The following TNXB variants were observed in gnomAD, a reference collection of about 807,000 sequenced individuals.
TNXB encodes tenascin-X.
TNXB carries 183 observed loss-of-function variants against 340.5 expected under a neutral mutation model. That is an observed-to-expected ratio of 0.54 (90% CI 0.48 to 0.61). TNXB has a LOEUF of 0.61. Ranked by LOEUF, TNXB falls within the 20% of genes least tolerant of loss-of-function variation. The pLI is 0.00. For synonymous variants in TNXB, 2,121 were observed against 2,314.5 expected, an observed-to-expected ratio of 0.92 and a Z score of 2.40; for missense variants, 4,613 against 5,446.4, an observed-to-expected ratio of 0.85 and a Z score of 4.82.
Position 32,048,403 on chromosome 6 carries a change from A to AT in TNXB, c.10004dup (p.Asn3335LysfsTer35), listed in dbSNP as rs779059111. 2.0e-5 allele frequency: 30 copies of AT among 1,535,214 alleles called. 1 individual carries two copies. The highest frequency in any genetic ancestry group is 5.3e-6 in the Non-Finnish European group (6 of 1,135,740). ...CAGGGACTGGGCCGTGGCGTTTCCCATTCTGGAGTCCAAAGAGCAGGAACT... is the reference window on the plus strand; with the variant it reads ...CAGGGACTGGGCCGTGGCGTTTCCCATTTCTGGAGTCCAAAGAGCAGGAACT... On this transcript the variant is annotated frameshift_variant, in exon 29 of 44. Coordinates refer to ENST00000644971, the MANE Select transcript of TNXB (RefSeq NM_001365276.2). LOFTEE classifies it high-confidence loss of function.
intron 11 of TNXB, among the ~76,000 whole-genome samples, chr6:32,078,111 G>GAAAGAAAGAAAT (rs1209976890): frequency 9.4e-5 from 14 of 149,376 alleles, no homozygotes; most frequent in African/African-American, 1.5e-4. Flanking sequence ...AAGAAAGAAA[G>GAAAGAAAGAAAT]AAAGAAAGAA....
rs201037895 is a variant in TNXB at position 32,056,717 on chromosome 6, G to A, written c.8012C>T (p.Ala2671Val). The A allele has an allele frequency of 4.7e-4, 756 of 1,612,694 alleles. 1 individual carries two copies. The highest frequency in any genetic ancestry group is 5.9e-4 in the Non-Finnish European group (700 of 1,179,836). The part of the protein sequence containing the change: ...QYRNGDGQPK[A>V]VRVPGHEDGV... ...GTCCTCGTGCCCCGGCACCCGCACCGCCTTGGGCTGCCCATCCCCATTCCT... is the reference window on the plus strand; with the variant it reads ...GTCCTCGTGCCCCGGCACCCGCACCACCTTGGGCTGCCCATCCCCATTCCT... Residue 2671 changes from alanine to valine, a missense_variant, in exon 23 of 44, where the codon GCG (alanine) becomes GTG (valine). Ala to Val is a moderately conservative substitution (Grantham distance 64). This residue lies in a region of TNXB where 4,327 missense variants were observed against 4,859.4 expected (regional missense o/e 0.89). Transcript: ENST00000644971.
At position 32,067,624 on chromosome 6, in the gene TNXB, A is replaced by G; in HGVS notation, c.6544+37T>C. ...GAGATGCTGGAGGCTGTACTTTGCTAAGACCCAACCCAGAGGGCTCTGCAG... is the reference window on the plus strand; with the variant it reads ...GAGATGCTGGAGGCTGTACTTTGCTGAGACCCAACCCAGAGGGCTCTGCAG... On this transcript the variant is annotated intron_variant, in intron 18 of 43. Coordinates refer to ENST00000644971, the MANE Select transcript of TNXB (RefSeq NM_001365276.2). The surrounding 1 kb of genome is among the most constrained non-coding windows in gnomAD (Gnocchi z 4.2). The G allele has an allele frequency of 6.3e-7, 1 of 1,595,642 alleles. No individual in the cohort carries two copies. The highest frequency in any genetic ancestry group is 8.6e-7 in the Non-Finnish European group (1 of 1,169,204).
chr6:32,104,853 C>G (rs991477761), intron 1 of TNXB, among the ~76,000 whole-genome samples: 1 of 151,934 alleles, frequency 6.6e-6, no homozygotes, highest in African/African-American at 2.4e-5. Context: ...CTCGGGCTGG[C>G]CTTGAACTCT....
At position 32,049,404 on chromosome 6, in the gene TNXB, T is replaced by C; in HGVS notation, c.9623A>G (p.Gln3208Arg). The C allele has an allele frequency of 6.2e-7, 1 of 1,612,616 alleles. No homozygotes were observed. The highest frequency in any genetic ancestry group is 8.5e-7 in the Non-Finnish European group (1 of 1,179,860). ...VQYKDRDGQP[Q>R]VVRVRGEESE... Reference sequence around the variant, plus strand: ...CTCCTCGCCCCTGACACGCACCACCTGGGGCTGCCCGTCCCTGTCCTTGTA... The same window carrying C: ...CTCCTCGCCCCTGACACGCACCACCCGGGGCTGCCCGTCCCTGTCCTTGTA... Residue 3208 changes from glutamine to arginine, a missense_variant, in exon 28 of 44, where the codon CAG (glutamine) becomes CGG (arginine). This residue lies in a region of TNXB where 4,327 missense variants were observed against 4,859.4 expected (regional missense o/e 0.89). Transcript: ENST00000644971. This position sits in a 1 kb window ranked among gnomAD's most constrained non-coding sequence, Gnocchi z 4.5.
chr6:32,096,863 G>A lies in TNXB; in HGVS notation c.990C>T (p.Pro330=). Residue 330 remains proline (P), a synonymous_variant, in exon 3 of 44, where the codon CCC becomes CCT. Coordinates refer to ENST00000644971, the MANE Select transcript of TNXB (RefSeq NM_001365276.2). ...RCKDGRCVCD[P]GYTGEDCGTR... is the part of the protein sequence containing the mutation. ...TACCACAGTCCTCGCCAGTGTAGCC[G>A]GGGTCACACACGCAGCGCCCGTCCT... is the stretch of plus-strand genomic sequence containing the variant. The A allele has an allele frequency of 6.2e-7, 1 of 1,606,100 alleles. No individual in the cohort carries two copies. The highest frequency in any genetic ancestry group is 8.5e-7 in the Non-Finnish European group (1 of 1,176,980).
intron 21 of TNXB, among the ~76,000 whole-genome samples, chr6:32,060,311 G>A (rs1268376000): frequency 6.7e-6 from 1 of 150,310 alleles, no homozygotes; most frequent in African/African-American, 2.5e-5. Flanking sequence ...CAGCCTGGGC[G>A]ACAAGAGCGA....
chr6:32,094,570 A>G (rs1437172255), intron 4 of TNXB, among the ~76,000 whole-genome samples: 1 of 152,150 alleles, frequency 6.6e-6, no homozygotes, highest in Admixed American at 6.5e-5. Context: ...AGCAAGAATC[A>G]CAGGAAGGTA....
In TNXB at chr6:32,049,953, G is replaced by A. The variant is rs1167070107; in HGVS notation, c.9439+45C>T. On this transcript the variant is annotated intron_variant, in intron 27 of 43. Transcript: ENST00000644971. The surrounding 1 kb of genome is among the most constrained non-coding windows in gnomAD (Gnocchi z 4.5). ...CAGTCATCACCAAAGAGCAAGAGGT[G>A]GCCCTCCCACAGCTCCCACCCTGGG... 1 of 1,610,156 alleles carries A rather than the reference G, an allele frequency of 6.2e-7. No homozygotes were observed. The highest frequency in any genetic ancestry group is 8.5e-7 in the Non-Finnish European group (1 of 1,177,040).
intron 4 of TNXB, chr6:32,093,587 T>C: frequency 4.2e-6 from 2 of 474,308 alleles, no homozygotes; most frequent in Non-Finnish European, 7.5e-6. Flanking sequence ...GAGTCCTGGC[T>C]AAGCTGATGA....
Position 32,081,002 on chromosome 6 carries a change from C to A in TNXB, c.4042+366G>T, listed in dbSNP as rs1779394191. ...CAGAAGCCCAGAAGTGACCATGGCC[C>A]AAACCAGACCATGAAGGAGCCCAGT... On this transcript the variant is annotated intron_variant, in intron 10 of 43. Transcript: ENST00000644971. The surrounding 1 kb of genome is among the most constrained non-coding windows in gnomAD (Gnocchi z 5.1). 6.6e-6 allele frequency among the ~76,000 whole-genome samples: 1 copy of A among 152,122 alleles called. No individual in the cohort carries two copies. The highest frequency in any genetic ancestry group is 6.5e-5 in the Admixed American group (1 of 15,272).
At position 32,064,503 on chromosome 6, in the gene TNXB, C is replaced by T. The variant is rs1422650904; in HGVS notation, c.6841+318G>A. Among the ~76,000 whole-genome samples the T allele has an allele frequency of 1.3e-5, 2 of 152,172 alleles. No individual in the cohort carries two copies. Among genetic ancestry groups the T allele is most frequent in the African/African-American group, 4.8e-5 (2 of 41,440 alleles). On this transcript the variant is annotated intron_variant, in intron 19 of 43. Transcript: ENST00000644971. This position sits in a 1 kb window ranked among gnomAD's most constrained non-coding sequence, Gnocchi z 5.3. ...TGCTGGGATTACAGGCATGAGCCAC[C>T]GTGCCCAGACAGGTTGTGTGAGTCT...
At position 32,096,771 on chromosome 6, in the gene TNXB, G is replaced by C. The variant is rs1780413660; in HGVS notation, c.1082C>G (p.Pro361Arg). The C allele has an allele frequency of 6.4e-7, 1 of 1,565,210 alleles. No individual in the cohort carries two copies. The highest frequency in any genetic ancestry group is 1.4e-5 in the African/African-American group (1 of 73,586). Residue 361 changes from proline to arginine, a missense_variant, in exon 3 of 44, where the codon CCC (proline) becomes CGC (arginine). Pro to Arg is a moderately radical substitution (Grantham distance 103, BLOSUM62 -2). Around this residue, in one of 7 missense-constraint regions of TNXB, gnomAD observed 4,327 missense variants for 4,859.4 expected, o/e 0.89. Transcript: ENST00000644971. ...GCTGCAGTCCTCGCCTGTGTACCCG[G>C]GCCAGCACACGCAGCGGCCGTCCAC... is the stretch of plus-strand genomic sequence containing the variant. ...RCVDGRCVCWPGYTGEDCSTR... is the reference protein window; with the variant it reads ...RCVDGRCVCWRGYTGEDCSTR...
At chr6:32,107,408 C>A (rs1781037301) in intron 1 of TNXB, among the ~76,000 whole-genome samples, 1 of 152,150 alleles carries the variant, frequency 6.6e-6, no homozygotes, top group Non-Finnish European at 1.5e-5. Flanking sequence ...TCCCTCCCTG[C>A]CCTGTTGCCA....
At chr6:32,042,404 G>A in intron 40 of TNXB, 42 bp from the exon 41 acceptor site, 1 of 1,595,924 alleles carries the variant, frequency 6.3e-7, no homozygotes. Flanking sequence ...TGGCTCCCGG[G>A]GCAACAGACC....
In TNXB at chr6:32,081,882, TGCG is replaced by T. The variant is rs1300986541; in HGVS notation, c.3736+151_3736+153del. Reference sequence around the variant, plus strand: ...GCTTGGGATGGAAGGGGCCCAGCAGTGCGGGGGAGTCTGGCTGCCCCTCAGCCC... The same window carrying T: ...GCTTGGGATGGAAGGGGCCCAGCAGTGGGGAGTCTGGCTGCCCCTCAGCCC... On this transcript the variant is annotated intron_variant, in intron 9 of 43. Coordinates refer to ENST00000644971, the MANE Select transcript of TNXB (RefSeq NM_001365276.2). This position sits in a 1 kb window ranked among gnomAD's most constrained non-coding sequence, Gnocchi z 5.1. 6.6e-6 allele frequency among the ~76,000 whole-genome samples: 1 copy of T among 151,782 alleles called. No individual in the cohort carries two copies.
intron 1 of TNXB, among the ~76,000 whole-genome samples, chr6:32,101,588 C>CT (rs58601681): frequency 0.079 from 9,971 of 126,146 alleles, 519 homozygotes; most frequent in East Asian, 0.18. Flanking sequence ...CGCACCCAGC[C>CT]TTTTTTTTTT....
Position 32,051,509 on chromosome 6 carries a change from T to C in TNXB, c.9115+1161A>G, listed in dbSNP as rs978305458. On this transcript the variant is annotated intron_variant, in intron 26 of 43. Transcript: ENST00000644971. This position sits in a 1 kb window ranked among gnomAD's most constrained non-coding sequence, Gnocchi z 4.7. ...ATATTCATAGCAGCATTATTCTTGA[T>C]AGCTAAGAGGTGGAAGCAACCCAGA... Among the ~76,000 whole-genome samples, 2 of 152,236 alleles carry C rather than the reference T, an allele frequency of 1.3e-5. No individual in the cohort carries two copies. The highest frequency in any genetic ancestry group is 2.9e-5 in the Non-Finnish European group (2 of 68,040).
In TNXB at chr6:32,049,250, G is replaced by A. The variant is rs1389351220; in HGVS notation, c.9757+20C>T. The A allele has an allele frequency of 3.7e-6, 6 of 1,600,688 alleles. No individual in the cohort carries two copies. In the Admixed American group the frequency reaches 1.0e-4, roughly 27 times the overall value. ...GCTGCAGAGGTAAACCTGGGGACGA[G>A]GGCCTGTCCCCCCACTCACCCGTGA... is the stretch of plus-strand genomic sequence containing the variant. On this transcript the variant is annotated intron_variant, in intron 28 of 43. Transcript: ENST00000644971. This position sits in a 1 kb window ranked among gnomAD's most constrained non-coding sequence, Gnocchi z 4.5.
Sources: allele counts gnomAD v4.1 joint callset (sites outside exome capture counted in the v4.1 genomes callset), GRCh38; gene constraint gnomAD v4.1.1; regional missense constraint gnomAD v4.1.1; non-coding constraint Gnocchi (gnomAD v3.1); transcripts MANE v1.5; gene names NCBI Gene and HGNC (gene_info 2026-07-23, HGNC 2026-07-21).